VGLL4: variants seen among roughly 807,000 people sequenced by gnomAD.
VGLL4 encodes the protein vestigial like family member 4, also known as transcription cofactor vestigial-like protein 4.
Under a neutral mutation model 21.0 loss-of-function variants are expected in VGLL4, and 7 were observed. That is an observed-to-expected ratio of 0.33 (90% confidence interval 0.19 to 0.63). The LOEUF (loss-of-function observed/expected upper bound fraction) is 0.63, where lower values mean the gene tolerates loss of function less well. Ranked by LOEUF, VGLL4 falls within the 20% of genes least tolerant of loss-of-function variation. The probability of loss-of-function intolerance (pLI) is 0.78; values close to 1 mark genes in which losing one functional copy is unlikely to be tolerated. For synonymous variants in VGLL4, 222 were observed against 173.2 expected (o/e 1.28, Z -2.21); for missense variants, 394 against 425.7 (o/e 0.93, Z 0.66).
intron 2 of VGLL4, among the ~76,000 whole-genome samples, chr3:11,584,105 T>C (rs1218620725): frequency 6.6e-6 from 1 of 152,224 alleles, no homozygotes; most frequent in Non-Finnish European, 1.5e-5. Flanking sequence ...TTTAAAAATC[T>C]ATATTTCAAA....
chr3:11,574,277 C>G (rs2073961573), intron 2 of VGLL4, among the ~76,000 whole-genome samples: 1 of 152,188 alleles, frequency 6.6e-6, no homozygotes, highest in Admixed American at 6.5e-5. Flanking sequence ...TCTGCTTTAT[C>G]TATGATCAAC....
In VGLL4 at chr3:11,705,846, G is replaced by A. The variant is rs187429336; in HGVS notation, c.-13-2799C>T. Among the ~76,000 whole-genome samples the A allele has an allele frequency of 9.2e-5, 14 of 151,856 alleles. No homozygotes were observed. In the South Asian group the frequency reaches 2.3e-3, roughly 25 times the overall value. On this transcript the variant is annotated intron_variant, in intron 1 of 5. Coordinates refer to the VGLL4 transcript ENST00000273038. ...TGAGGCAGGAGAATGGCATGAACCCGCGAGGCGGAGCTTGCAGTGAGCTGA... is the reference window on the plus strand; with the variant it reads ...TGAGGCAGGAGAATGGCATGAACCCACGAGGCGGAGCTTGCAGTGAGCTGA...
chr3:11,571,438 C>G (rs1337159434), intron 2 of VGLL4, among the ~76,000 whole-genome samples: 2 of 152,158 alleles, frequency 1.3e-5, no homozygotes, highest in Non-Finnish European at 2.9e-5. Context: ...AATCCCAGCA[C>G]TTTGGGAGGC....
At chr3:11,701,906 C>A (rs762670869) in intron 2 of VGLL4, among the ~76,000 whole-genome samples, 2 of 152,190 alleles carry the variant, frequency 1.3e-5, no homozygotes, top group Non-Finnish European at 2.9e-5. Context: ...GTAATCTTAA[C>A]TTTGAACAAG....
chr3:11,586,353 G>A (rs978431828), intron 2 of VGLL4, among the ~76,000 whole-genome samples: 8 of 152,120 alleles, frequency 5.3e-5, no homozygotes, highest in South Asian at 2.1e-4. Context: ...GTGAGGAAAC[G>A]GTGCAGGAAG....
At chr3:11,625,233 T>C (rs1317466946) in intron 1 of VGLL4, among the ~76,000 whole-genome samples, 1 of 152,208 alleles carries the variant, frequency 6.6e-6, no homozygotes, top group East Asian at 1.9e-4. Flanking sequence ...TTAGCATCTG[T>C]GTCACATAAT....
rs60374135 is a variant in VGLL4 at position 11,604,681 on chromosome 3, G to A, written c.83-2659C>T. 4.2e-3 allele frequency: 1,669 copies of A among 401,542 alleles called. 175 individuals carry two copies. The highest frequency in any genetic ancestry group is 0.034 in the African/African-American group (1,497 of 44,262). The allele number at this position is 401,542 out of a possible 1,614,324, so 24.9% of individuals were successfully genotyped here. ...TTTAGGATGGGGTGAATTTGGGCAC[G>A]TGCTTCCCCTCTCTGGGCCTCCCTC... On this transcript the variant is annotated intron_variant, in intron 1 of 4. Transcript: ENST00000430365.
intron 2 of VGLL4, among the ~76,000 whole-genome samples, chr3:11,579,056 A>T (rs975246564): frequency 1.3e-5 from 2 of 152,008 alleles, no homozygotes; most frequent in African/African-American, 4.8e-5. Flanking sequence ...CCTCTACTGT[A>T]TATTCTTTAA....
intron 1 of VGLL4, among the ~76,000 whole-genome samples, chr3:11,630,862 C>G (rs73127156): frequency 0.019 from 2,944 of 152,196 alleles, 84 homozygotes; most frequent in African/African-American, 0.065. Flanking sequence ...AATGTTCGAA[C>G]ACTGTACAAC....
intron 1 of VGLL4, among the ~76,000 whole-genome samples, chr3:11,604,043 C>T (rs1036969781): frequency 1.3e-5 from 2 of 152,016 alleles, no homozygotes; most frequent in Non-Finnish European, 2.9e-5. Flanking sequence ...TGTCTAACAT[C>T]GAAAAAAATT....
intron 2 of VGLL4, among the ~76,000 whole-genome samples, chr3:11,657,004 GC>G (rs1244883385): frequency 6.6e-6 from 1 of 152,176 alleles, no homozygotes; most frequent in Non-Finnish European, 1.5e-5. Context: ...CCAGCCTGGA[GC>G]TGAGAGCAGT....
intron 2 of VGLL4, among the ~76,000 whole-genome samples, chr3:11,666,548 C>A (rs1430201356): frequency 6.6e-6 from 1 of 152,182 alleles, no homozygotes; most frequent in Non-Finnish European, 1.5e-5. Context: ...AAAAAGTGAT[C>A]AGATGTGAGA....
chr3:11,643,609 C>T lies in VGLL4; in HGVS notation c.-91G>A. 6.3e-7 allele frequency: 1 copy of T among 1,586,126 alleles called. No homozygotes were observed. Among genetic ancestry groups the T allele is most frequent in the South Asian group, 1.1e-5 (1 of 88,972 alleles). On this transcript the variant is annotated 5_prime_UTR_variant, in exon 1 of 5. Transcript: ENST00000430365. The stretch of plus-strand genomic sequence containing the variant: ...AATTGTTGCTGAGTAGCTCCTGGCT[C>T]TTCAACTTCACAAAGGCAGAGGCCC...
upstream of VGLL4, among the ~76,000 whole-genome samples, chr3:11,648,116 A>C (rs11928390): frequency 0.025 from 3,734 of 152,300 alleles, 134 homozygotes; most frequent in African/African-American, 0.083. Context: ...AATTTTATCC[A>C]CACACACAAA....
intron 1 of VGLL4, among the ~76,000 whole-genome samples, chr3:11,606,962 C>T (rs1275044950): frequency 1.3e-5 from 2 of 152,090 alleles, no homozygotes; most frequent in Admixed American, 6.5e-5. Context: ...TTGAAGTCAG[C>T]GAGACCAAGA....
chr3:11,568,993 A>T lies in VGLL4; in HGVS notation c.273-3974T>A. On this transcript the variant is annotated intron_variant, in intron 2 of 4. Transcript: ENST00000430365. This position sits in a 1 kb window ranked among gnomAD's most constrained non-coding sequence, Gnocchi z 5.9. The stretch of plus-strand genomic sequence containing the variant: ...GAGGGAAAGAGAGGCCTACAACACC[A>T]TCATCCAGGACAGAGCTTTCTGAGT... 9.2e-7 allele frequency: 1 copy of T among 1,088,788 alleles called. No individual in the cohort carries two copies. Among genetic ancestry groups the T allele is most frequent in the South Asian group, 2.4e-5 (1 of 42,010 alleles). The allele number at this position is 1,088,788 out of a possible 1,614,324, so 67.4% of individuals were successfully genotyped here. A position where few individuals can be genotyped will look rare whatever the true frequency, so the allele number is the denominator to read the frequency against.
At chr3:11,662,123 C>T (rs534274680) in intron 2 of VGLL4, among the ~76,000 whole-genome samples, 5 of 152,272 alleles carry the variant, frequency 3.3e-5, no homozygotes, top group African/African-American at 1.2e-4. Context: ...AACATTATGT[C>T]GCCAGCTGCT....
chr3:11,571,218 C>T (rs557936650), intron 2 of VGLL4, among the ~76,000 whole-genome samples: 11 of 152,276 alleles, frequency 7.2e-5, no homozygotes, highest in African/African-American at 2.2e-4. Context: ...GGACACAGGG[C>T]AGAGACTGTC....
intron 1 of VGLL4, among the ~76,000 whole-genome samples, chr3:11,636,204 G>A (rs1425245523): frequency 1.3e-5 from 2 of 152,214 alleles, no homozygotes; most frequent in Non-Finnish European, 2.9e-5. Flanking sequence ...TGTTATCAGG[G>A]AAGAAGTGTA....
Sources: gnomAD v4.1 joint callset for allele counts (sites outside exome capture counted in the v4.1 genomes callset) on GRCh38, gnomAD v4.1.1 for gene constraint, Gnocchi (gnomAD v3.1) non-coding constraint, MANE v1.5 for transcripts, NCBI Gene and HGNC (gene_info 2026-07-23, HGNC 2026-07-21) for gene names.